The following NRG1 variants were observed in gnomAD, a reference collection of about 807,000 sequenced individuals.
The protein encoded by NRG1 is neuregulin 1.
A neutral mutation model predicts 63.8 loss-of-function variants in NRG1; 18 were observed. The observed-to-expected ratio is 0.28, with a 90% CI of 0.19 to 0.42. The LOEUF (loss-of-function observed/expected upper bound fraction) is 0.42, where lower values mean the gene tolerates loss of function less well. Ranked by LOEUF, NRG1 falls within the 10% of genes least tolerant of loss-of-function variation. NRG1 has a pLI of 1.00. For synonymous variants in NRG1, 302 were observed against 301.3 expected (o/e 1.00, Z -0.02); for missense variants, 762 against 814.7 (o/e 0.94, Z 0.79).
intron 1 of NRG1, among the ~76,000 whole-genome samples, chr8:31,932,572 G>A (rs1834954978): frequency 6.6e-6 from 1 of 152,076 alleles, no homozygotes; most frequent in Non-Finnish European, 1.5e-5. Flanking sequence ...TACTAGTCTT[G>A]TATTTTCTCT....
chr8:32,580,875 T>G (rs1840521092), intron 1 of NRG1, among the ~76,000 whole-genome samples: 1 of 152,162 alleles, frequency 6.6e-6, no homozygotes. Flanking sequence ...GTTCAACTGA[T>G]TAATATTAGT....
At chr8:31,756,534 G>A (rs1816983287) in intron 1 of NRG1, among the ~76,000 whole-genome samples, 4 of 152,042 alleles carry the variant, frequency 2.6e-5, no homozygotes, top group African/African-American at 9.7e-5. Context: ...TACATGTGTG[G>A]GAAAGGGTAG....
chr8:32,323,224 A>G (rs1019185862), intron 1 of NRG1, among the ~76,000 whole-genome samples: 3 of 152,130 alleles, frequency 2.0e-5, no homozygotes, highest in Admixed American at 6.5e-5. Context: ...TCACCCTGCA[A>G]TCCAACTTAT....
intron 1 of NRG1, among the ~76,000 whole-genome samples, chr8:32,035,856 A>G (rs1359348472): frequency 6.6e-6 from 1 of 152,114 alleles, no homozygotes; most frequent in Admixed American, 6.5e-5. Context: ...GGTCTCTTTA[A>G]TACAGCACAC....
At chr8:31,972,195 C>A (rs1314333726) in intron 1 of NRG1, among the ~76,000 whole-genome samples, 1 of 152,114 alleles carries the variant, frequency 6.6e-6, no homozygotes, top group East Asian at 1.9e-4. Context: ...ACAATTTACC[C>A]CTCCTTCTAA....
chr8:32,358,853 A>G (rs1301327208), intron 1 of NRG1, among the ~76,000 whole-genome samples: 1 of 152,170 alleles, frequency 6.6e-6, no homozygotes, highest in African/African-American at 2.4e-5. Context: ...AGAAGAAGAG[A>G]GTTTCCTATC....
At chr8:32,116,047 G>A (rs984946097) in intron 1 of NRG1, among the ~76,000 whole-genome samples, 3 of 152,136 alleles carry the variant, frequency 2.0e-5, no homozygotes, top group Non-Finnish European at 2.9e-5. Flanking sequence ...TAGAGCTTTA[G>A]TGTTGAGAAA....
At chr8:32,189,542 T>C (rs1389453102) in intron 1 of NRG1, among the ~76,000 whole-genome samples, 1 of 152,182 alleles carries the variant, frequency 6.6e-6, no homozygotes, top group Non-Finnish European at 1.5e-5. Context: ...TCCTTATCTG[T>C]AGAATGGACA....
intron 1 of NRG1, among the ~76,000 whole-genome samples, chr8:31,924,127 G>A (rs1834140021): frequency 6.6e-6 from 1 of 152,064 alleles, no homozygotes; most frequent in Admixed American, 6.5e-5. Flanking sequence ...GGCCAAGGTG[G>A]GCAGATCACA....
intron 1 of NRG1, among the ~76,000 whole-genome samples, chr8:31,987,258 C>T (rs1349165257): frequency 6.7e-6 from 1 of 149,886 alleles, no homozygotes; most frequent in East Asian, 2.0e-4. Context: ...TGAGATCACG[C>T]CACTGCACTC....
intron 5 of NRG1, among the ~76,000 whole-genome samples, chr8:32,718,220 GAAGAGT>G (rs1477146328): frequency 6.6e-6 from 1 of 152,176 alleles, no homozygotes; most frequent in Non-Finnish European, 1.5e-5. Flanking sequence ...TAGATTGCGT[GAAGAGT>G]AATGAGAAAA....
At chr8:32,407,254 A>G (rs113684378) in intron 1 of NRG1, among the ~76,000 whole-genome samples, 18 of 132,168 alleles carry the variant, frequency 1.4e-4, no homozygotes, top group African/African-American at 4.2e-4. Context: ...CTATATATAT[A>G]TGTGTGTGTG....
At chr8:32,628,493 G>T (rs1438056245) in intron 5 of NRG1, among the ~76,000 whole-genome samples, 1 of 152,080 alleles carries the variant, frequency 6.6e-6, no homozygotes, top group African/African-American at 2.4e-5. Flanking sequence ...ATGGGGGTGG[G>T]AGAGTTACCT....
chr8:32,729,937 T>C (rs1312164867), intron 6 of NRG1, among the ~76,000 whole-genome samples: 3 of 152,072 alleles, frequency 2.0e-5, no homozygotes, highest in Non-Finnish European at 4.4e-5. Context: ...AAAAAGTAGA[T>C]ACAGTGCCAA....
In NRG1 at chr8:32,463,874, CTTTTTTTTTTTTTTTTT is replaced by C. The variant is rs756489856; in HGVS notation, c.38-131931_38-131915del. On this transcript the variant is annotated intron_variant, in intron 1 of 10. Transcript: ENST00000519301. ...ACACACACGAAAAAAACTTAGAATT[CTTTTTTTTTTTTTTTTT>C]TTTTTTTTTTTTTTTTTTTTTTGGG... 7.3e-4 allele frequency among the ~76,000 whole-genome samples: 31 copies of C among 42,356 alleles called. No homozygotes were observed. The East Asian group carries it at 0.013, about 18-fold the overall frequency. The allele number at this position is 42,356 out of a possible 152,430, so 27.8% of individuals were successfully genotyped here. A position where few individuals can be genotyped will look rare whatever the true frequency, so the allele number is the denominator to read the frequency against.
intron 5 of NRG1, among the ~76,000 whole-genome samples, chr8:32,655,618 T>C (rs1442996468): frequency 6.6e-6 from 1 of 152,188 alleles, no homozygotes; most frequent in Non-Finnish European, 1.5e-5. Flanking sequence ...TAAAATGGTC[T>C]GTAGGACTTT....
intron 1 of NRG1, among the ~76,000 whole-genome samples, chr8:31,745,804 T>G (rs950091122): frequency 1.3e-5 from 2 of 151,948 alleles, no homozygotes; most frequent in Non-Finnish European, 2.9e-5. Flanking sequence ...GTATCTTTAT[T>G]GTTATCAAGT....
chr8:31,947,116 A>C (rs913867874), intron 1 of NRG1, among the ~76,000 whole-genome samples: 5 of 151,638 alleles, frequency 3.3e-5, no homozygotes, highest in Admixed American at 3.3e-4. Flanking sequence ...CTGGCTAACA[A>C]GGTGAAACCC....
intron 1 of NRG1, among the ~76,000 whole-genome samples, chr8:32,042,961 A>AGTGTGTGTGTGTGTGTGTGTGT (rs111850977): frequency 0.043 from 5,964 of 139,908 alleles, 210 homozygotes; most frequent in Non-Finnish European, 0.06. Context: ...GAAAGAGTGC[A>AGTGTGTGTGTGTGTGTGTGTGT]GTGTGTGTGT....
Sources: gnomAD v4.1 joint callset for allele counts (sites outside exome capture counted in the v4.1 genomes callset) on GRCh38, gnomAD v4.1.1 for gene constraint, MANE v1.5 for transcripts, NCBI Gene and HGNC (gene_info 2026-07-23, HGNC 2026-07-21) for gene names.